Variants in PXT1 observed in about 807,000 individuals in gnomAD.
PXT1 encodes peroxisomal testis-specific protein 1.
A neutral mutation model predicts 11.0 loss-of-function variants in PXT1; 11 were observed. The ratio of observed to expected loss-of-function variants is 1.00; its 90% confidence interval spans 0.63 to 1.66. PXT1 has a LOEUF of 1.66. Among genes scored for constraint, PXT1 ranks in the 40% most tolerant of loss-of-function variants. The pLI, the probability that PXT1 is intolerant of heterozygous loss-of-function variation, is 0.00. For synonymous variants in PXT1, 43 were observed against 51.4 expected, an observed-to-expected ratio of 0.84 and a Z score of 0.70; for missense variants, 141 against 155.5, an observed-to-expected ratio of 0.91 and a Z score of 0.49.
chr6:36,419,731 A>C (rs1774497195), intron 3 of PXT1, among the ~76,000 whole-genome samples: 1 of 152,244 alleles, frequency 6.6e-6, no homozygotes, highest in Non-Finnish European at 1.5e-5. Context: ...TAAAAACAGC[A>C]TTACCTTTCC....
At chr6:36,431,067 C>T (rs1365264981) in intron 2 of PXT1, among the ~76,000 whole-genome samples, 3 of 152,254 alleles carry the variant, frequency 2.0e-5, no homozygotes, top group East Asian at 1.9e-4. Context: ...ACACCCCCCT[C>T]GGCCTCCCAA....
At chr6:36,407,963 T>C (rs1388519707) in intron 3 of PXT1, among the ~76,000 whole-genome samples, 1 of 151,044 alleles carries the variant, frequency 6.6e-6, no homozygotes, top group Non-Finnish European at 1.5e-5. Flanking sequence ...CTTTCTTTTT[T>C]TTTTTTTTTG....
intron 2 of PXT1, among the ~76,000 whole-genome samples, chr6:36,435,684 C>T (rs550442947): frequency 6.6e-6 from 1 of 152,262 alleles, no homozygotes; most frequent in Non-Finnish European, 1.5e-5. Flanking sequence ...TATACACACA[C>T]ACATCTTGGA....
chr6:36,400,905 G>A (rs927149788), intron 3 of PXT1, among the ~76,000 whole-genome samples: 3 of 152,072 alleles, frequency 2.0e-5, no homozygotes, highest in Non-Finnish European at 2.9e-5. Context: ...AGGAGGCAGA[G>A]GTTGCAGTGA....
intron 2 of PXT1, among the ~76,000 whole-genome samples, chr6:36,437,550 G>A (rs1161756975): frequency 7.3e-6 from 1 of 136,220 alleles, no homozygotes; most frequent in Non-Finnish European, 1.5e-5. Flanking sequence ...GTCTTGCTCT[G>A]TCGCCCAGGC....
intron 4 of PXT1, among the ~76,000 whole-genome samples, chr6:36,392,732 T>C (rs1774086967): frequency 6.6e-6 from 1 of 152,120 alleles, no homozygotes; most frequent in South Asian, 2.1e-4. Flanking sequence ...ATTAAGTATT[T>C]TGGAGCAGAA....
At chr6:36,401,998 A>G (rs116472713) in intron 3 of PXT1, among the ~76,000 whole-genome samples, 3,625 of 150,452 alleles carry the variant, frequency 0.024, 140 homozygotes, top group African/African-American at 0.082. Context: ...TTTAATAGAC[A>G]CAGGGTCTTT....
chr6:36,426,699 AG>A (rs1352637662), intron 2 of PXT1, among the ~76,000 whole-genome samples: 7 of 152,122 alleles, frequency 4.6e-5, no homozygotes, highest in Non-Finnish European at 7.4e-5. Context: ...ACATTCCATC[AG>A]GGGAAGTGTG....
chr6:36,409,996 AAAGG>A (rs1454549932), intron 3 of PXT1, among the ~76,000 whole-genome samples: 1 of 151,530 alleles, frequency 6.6e-6, no homozygotes, highest in Admixed American at 6.6e-5. Flanking sequence ...AAGAAAAAGA[AAAGG>A]AAGGAAGGAA....
intron 1 of PXT1, among the ~76,000 whole-genome samples, chr6:36,439,396 G>A (rs889301794): frequency 1.3e-5 from 2 of 151,656 alleles, no homozygotes; most frequent in Admixed American, 6.6e-5. Context: ...TGGATCATCT[G>A]AGGTCAGGAG....
chr6:36,409,959 G>T (rs1335028513), intron 3 of PXT1, among the ~76,000 whole-genome samples: 2 of 35,636 alleles, frequency 5.6e-5, no homozygotes, highest in Non-Finnish European at 9.3e-5. Context: ...GAGAAAGGAA[G>T]AAAGAGAAAA....
At position 36,425,805 on chromosome 6, in the gene PXT1, A is replaced by ACAAACAAACAAAC. The variant is rs763685304; in HGVS notation, c.169+108_169+109insGTTTGTTTGTTTG. ...TCTGTCTCAAAAAACAAAAACAAAA[A>ACAAACAAACAAAC]ATATATATATATATATATATATATT... On this transcript the variant is annotated intron_variant, in intron 3 of 4. Transcript: ENST00000454782. 3.2e-4 allele frequency: 108 copies of ACAAACAAACAAAC among 335,670 alleles called. 2 individuals are homozygous for ACAAACAAACAAAC. The highest frequency in any genetic ancestry group is 1.1e-3 in the African/African-American group (50 of 43,926). 20.8% of individuals were successfully genotyped at this position (335,670 alleles called of 1,614,324 possible).
intron 4 of PXT1, among the ~76,000 whole-genome samples, chr6:36,396,706 C>T (rs1774148997): frequency 6.6e-6 from 1 of 152,228 alleles, no homozygotes; most frequent in South Asian, 2.1e-4. Flanking sequence ...ACTGCCTCCC[C>T]TCTGAGGTCC....
intron 3 of PXT1, among the ~76,000 whole-genome samples, chr6:36,418,048 T>C (rs1045091487): frequency 4.0e-5 from 6 of 151,894 alleles, no homozygotes; most frequent in Non-Finnish European, 8.8e-5. Context: ...TATAAAAAAT[T>C]AGCCGGGCGT....
At chr6:36,409,762 G>A (rs1424681017) in intron 3 of PXT1, among the ~76,000 whole-genome samples, 1 of 151,056 alleles carries the variant, frequency 6.6e-6, no homozygotes. Flanking sequence ...GAAGTTTGAG[G>A]CTGCAGTGAG....
At chr6:36,405,549 T>C (rs1160560347) in intron 3 of PXT1, among the ~76,000 whole-genome samples, 3 of 152,164 alleles carry the variant, frequency 2.0e-5, no homozygotes, top group Admixed American at 2.0e-4. Context: ...TGGCTTTTTG[T>C]AGTTTTTTAG....
intron 4 of PXT1, among the ~76,000 whole-genome samples, chr6:36,396,607 G>C (rs1325068681): frequency 6.6e-6 from 1 of 152,214 alleles, no homozygotes; most frequent in African/African-American, 2.4e-5. Context: ...AAGGCTGGGG[G>C]CTAGGCTGCC....
At chr6:36,410,382 G>A (rs892858667) in intron 3 of PXT1, among the ~76,000 whole-genome samples, 11 of 151,682 alleles carry the variant, frequency 7.3e-5, no homozygotes, top group South Asian at 6.2e-4. Flanking sequence ...TCCGGGAGGC[G>A]GAGGTTGCAG....
At position 36,436,113 on chromosome 6, in the gene PXT1, CAAAAAAAA is replaced by C. The variant is rs11294829; in HGVS notation, c.-10+2646_-10+2653del. On this transcript the variant is annotated intron_variant, in intron 2 of 4. Coordinates refer to ENST00000454782, the MANE Select transcript of PXT1 (RefSeq NM_152990.4). ...AAATTAATTAAAAAAAAAAGTAAGC[CAAAAAAAA>C]AAAAAAAAAAAGCCAGCATGATTGC... 1.3e-4 allele frequency among the ~76,000 whole-genome samples: 8 copies of C among 60,088 alleles called. 1 individual carries two copies. The highest frequency in any genetic ancestry group is 3.1e-4 in the African/African-American group (5 of 16,186). The allele number at this position is 60,088 out of a possible 152,430, so 39.4% of individuals were successfully genotyped here.
Sources: allele counts gnomAD v4.1 joint callset (sites outside exome capture counted in the v4.1 genomes callset), GRCh38; gene constraint gnomAD v4.1.1; transcripts MANE v1.5; gene names NCBI Gene and HGNC (gene_info 2026-07-23, HGNC 2026-07-21).